The following BRINP3 variants were observed in gnomAD, a reference collection of about 807,000 sequenced individuals.
BRINP3 encodes BMP/retinoic acid inducible neural specific 3.
A neutral mutation model predicts 71.0 loss-of-function variants in BRINP3; 19 were observed. The observed-to-expected ratio is 0.27, with a 90% CI of 0.19 to 0.39. The LOEUF is 0.39. BRINP3 is among the 10% of genes least tolerant of loss of function. BRINP3 has a pLI of 1.00. For missense variants in BRINP3, 959 were observed against 940.8 expected, an observed-to-expected ratio of 1.02 and a Z score of -0.25; for synonymous variants, 380 against 337.7, an observed-to-expected ratio of 1.13 and a Z score of -1.37.
chr1:190,398,145 G>T (rs1671696375), intron 2 of BRINP3, among the ~76,000 whole-genome samples: 1 of 151,936 alleles, frequency 6.6e-6, no homozygotes, highest in Non-Finnish European at 1.5e-5. Context: ...TATGATTTTA[G>T]AGGGTAGCTA....
intron 6 of BRINP3, among the ~76,000 whole-genome samples, chr1:190,166,733 C>CT (rs893011546): frequency 2.6e-5 from 4 of 151,704 alleles, no homozygotes; most frequent in African/African-American, 7.3e-5. Flanking sequence ...TTATGCATTT[C>CT]TTTTTTTTAA....
intron 2 of BRINP3, among the ~76,000 whole-genome samples, chr1:190,302,949 G>T (rs1267186320): frequency 2.6e-5 from 4 of 151,648 alleles, no homozygotes; most frequent in Non-Finnish European, 5.9e-5. Flanking sequence ...GACATTTATA[G>T]TTGTGTTTCA....
chr1:190,160,548 T>C lies in BRINP3; in HGVS notation c.1184+120A>G, dbSNP rs1215934908. The C allele has an allele frequency of 1.1e-5, 8 of 722,456 alleles. No individual in the cohort carries two copies. The Admixed American group carries it at 2.3e-4, about 21-fold the overall frequency. 44.8% of individuals were successfully genotyped at this position (722,456 alleles called of 1,614,324 possible). A position where few individuals can be genotyped will look rare whatever the true frequency, so the allele number is the denominator to read the frequency against. Reference sequence around the variant, plus strand: ...GAGACAATATATTGTTTTCAAATTATCTCTAATAGTATAAATTAGATCATG... The same window carrying C: ...GAGACAATATATTGTTTTCAAATTACCTCTAATAGTATAAATTAGATCATG... On this transcript the variant is annotated intron_variant, in intron 7 of 7. Coordinates refer to ENST00000367462, the MANE Select transcript of BRINP3 (RefSeq NM_199051.3).
At chr1:190,170,358 A>G (rs1309176387) in intron 6 of BRINP3, among the ~76,000 whole-genome samples, 1 of 152,148 alleles carries the variant, frequency 6.6e-6, no homozygotes, top group Admixed American at 6.6e-5. Context: ...TTCCCTTTCC[A>G]AAGCCCTAAG....
At chr1:190,429,274 G>A (rs994877128) in intron 2 of BRINP3, among the ~76,000 whole-genome samples, 2 of 152,088 alleles carry the variant, frequency 1.3e-5, no homozygotes, top group African/African-American at 4.8e-5. Context: ...ACTCATTTCA[G>A]CATAGACTGG....
At chr1:190,376,459 A>T (rs1205012743) in intron 2 of BRINP3, among the ~76,000 whole-genome samples, 1 of 152,060 alleles carries the variant, frequency 6.6e-6, no homozygotes, top group Non-Finnish European at 1.5e-5. Context: ...TTTAACAGAT[A>T]TCTGTTTGTG....
chr1:190,416,128 C>T (rs1227579740), intron 2 of BRINP3, among the ~76,000 whole-genome samples: 2 of 152,048 alleles, frequency 1.3e-5, no homozygotes, highest in Non-Finnish European at 2.9e-5. Flanking sequence ...CCTTAATACA[C>T]AAATCCATTA....
chr1:190,373,406 G>T (rs1669988925), intron 2 of BRINP3, among the ~76,000 whole-genome samples: 2 of 150,064 alleles, frequency 1.3e-5, no homozygotes, highest in East Asian at 4.0e-4. Flanking sequence ...ATAAAATAAA[G>T]TAGATAATTC....
At chr1:190,349,610 G>C (rs1164917578) in intron 2 of BRINP3, among the ~76,000 whole-genome samples, 1 of 152,028 alleles carries the variant, frequency 6.6e-6, no homozygotes, top group East Asian at 1.9e-4. Flanking sequence ...ATTGTTATTA[G>C]AATTTATAAC....
At chr1:190,203,806 TATATATATAA>T (rs1655251381) in intron 6 of BRINP3, among the ~76,000 whole-genome samples, 3 of 47,352 alleles carry the variant, frequency 6.3e-5, no homozygotes, top group African/African-American at 7.9e-5. Context: ...TATATATATA[TATATATATAA>T]ATGAAAACAA....
At chr1:190,409,574 CTTGATGGA>C (rs1475905870) in intron 2 of BRINP3, among the ~76,000 whole-genome samples, 1 of 152,098 alleles carries the variant, frequency 6.6e-6, no homozygotes, top group Admixed American at 6.6e-5. Context: ...GCTGATCATT[CTTGATGGA>C]GGAGGTTTCA....
At chr1:190,108,085 AAAAAC>A (rs71805522) in intron 7 of BRINP3, among the ~76,000 whole-genome samples, 15,661 of 151,868 alleles carry the variant, frequency 0.1, 1,250 homozygotes, top group African/African-American at 0.21. Flanking sequence ...TGGGCCATTA[AAAAAC>A]AAAACAAAAC....
intron 4 of BRINP3, among the ~76,000 whole-genome samples, chr1:190,239,982 C>T (rs546528606): frequency 2.5e-3 from 385 of 151,180 alleles, no homozygotes; most frequent in Admixed American, 4.2e-3. Context: ...TCTTAGAATA[C>T]GTCATTTTTT....
intron 1 of BRINP3, among the ~76,000 whole-genome samples, chr1:190,460,306 C>T (rs575247557): frequency 3.3e-4 from 50 of 150,526 alleles, no homozygotes; most frequent in Non-Finnish European, 7.0e-4. Context: ...TTAAAATCTA[C>T]AGCATTATTA....
intron 7 of BRINP3, among the ~76,000 whole-genome samples, chr1:190,127,996 A>G (rs1385109810): frequency 1.3e-5 from 2 of 151,790 alleles, no homozygotes; most frequent in African/African-American, 4.8e-5. Flanking sequence ...CTTGGTCCAG[A>G]AGTAATATCA....
chr1:190,261,817 C>G (rs1010848652), intron 4 of BRINP3, among the ~76,000 whole-genome samples: 4 of 152,124 alleles, frequency 2.6e-5, no homozygotes, highest in Admixed American at 1.3e-4. Context: ...ACAAGCAATG[C>G]ATTGAACCTT....
At position 190,097,679 on chromosome 1, in the gene BRINP3, G is replaced by A. The variant is rs900516833; in HGVS notation, c.*339C>T. Reference sequence around the variant, plus strand: ...AGCATTTCTTTTTAATAACTGTTCAGCTACAAAATTTTATTGGTATCTTTT... The same window carrying A: ...AGCATTTCTTTTTAATAACTGTTCAACTACAAAATTTTATTGGTATCTTTT... On this transcript the variant is annotated 3_prime_UTR_variant, in exon 8 of 8. Transcript: ENST00000367462. 2 of 183,388 alleles carry A rather than the reference G, an allele frequency of 1.1e-5. No homozygotes were observed. Among genetic ancestry groups the A allele is most frequent in the African/African-American group, 4.7e-5 (2 of 42,688 alleles). The allele number at this position is 183,388 out of a possible 1,614,324, so 11.4% of individuals were successfully genotyped here.
chr1:190,301,719 C>G (rs1664754425), intron 2 of BRINP3, among the ~76,000 whole-genome samples: 2 of 151,708 alleles, frequency 1.3e-5, no homozygotes, highest in African/African-American at 4.8e-5. Context: ...TCTCTGTGTT[C>G]ATTTAAAGGT....
Position 190,098,715 on chromosome 1 carries a change from A to C in BRINP3, c.1604T>G (p.Leu535Arg). The change falls in exon 8 of 8, where the codon CTC (leucine) becomes CGC (arginine). Residue 535 changes from leucine to arginine, a missense_variant. Physicochemically the swap from Leu to Arg is moderately radical, Grantham distance 102. Transcript: ENST00000367462. ...FDPSWRKRML[L>R]TLKSNKYKSS... ...CTTGTACTTATTGCTCTTCAAGGTG[A>C]GGAGCATCCGCTTACGCCAGGAGGG... is the stretch of plus-strand genomic sequence containing the variant. 6.2e-7 allele frequency: 1 copy of C among 1,614,220 alleles called. No individual in the cohort carries two copies.
Sources: allele counts gnomAD v4.1 joint callset (sites outside exome capture counted in the v4.1 genomes callset), GRCh38; gene constraint gnomAD v4.1.1; transcripts MANE v1.5; gene names NCBI Gene and HGNC (gene_info 2026-07-23, HGNC 2026-07-21).